MALT1: variants seen among roughly 807,000 people sequenced by gnomAD.
The protein encoded by MALT1 is MALT1 paracaspase.
Under a neutral mutation model 85.5 loss-of-function variants are expected in MALT1, and 36 were observed. The ratio of observed to expected loss-of-function variants is 0.42; its 90% CI spans 0.32 to 0.56. MALT1 has a LOEUF of 0.56. Ranked by LOEUF, MALT1 falls within the 20% of genes least tolerant of loss-of-function variation. The pLI, the probability that MALT1 is intolerant of heterozygous loss-of-function variation, is 0.10. For missense variants in MALT1, 716 were observed against 981.6 expected (o/e 0.73, Z 3.62); for synonymous variants, 359 against 361.3 (o/e 0.99, Z 0.07).
intron 10 of MALT1, among the ~76,000 whole-genome samples, chr18:58,726,967 A>G (rs1377644032): frequency 6.6e-6 from 1 of 152,234 alleles, no homozygotes; most frequent in Non-Finnish European, 1.5e-5. Context: ...CTTTCTGCTG[A>G]CTTAGCTGTG....
chr18:58,727,011 G>C (rs1438632876), intron 10 of MALT1, among the ~76,000 whole-genome samples: 1 of 152,182 alleles, frequency 6.6e-6, no homozygotes, highest in East Asian at 1.9e-4. Context: ...TAAGCCAAAA[G>C]GAATCTACAA....
At chr18:58,711,783 A>G (rs564149176) in intron 7 of MALT1, among the ~76,000 whole-genome samples, 89 of 152,288 alleles carry the variant, frequency 5.8e-4, no homozygotes, top group African/African-American at 2.1e-3. Flanking sequence ...CCTGTCCTTC[A>G]TGTCTCTATA....
chr18:58,741,187 A>G (rs1245708355), intron 13 of MALT1, among the ~76,000 whole-genome samples: 1 of 152,172 alleles, frequency 6.6e-6, no homozygotes, highest in African/African-American at 2.4e-5. Context: ...AGATTGTTTA[A>G]AATCCAATCT....
intron 15 of MALT1, among the ~76,000 whole-genome samples, chr18:58,744,930 C>T (rs1488562478): frequency 1.3e-5 from 2 of 151,700 alleles, no homozygotes; most frequent in Non-Finnish European, 1.5e-5. Flanking sequence ...TTACGTTGGT[C>T]TAAAGAAGCC....
At chr18:58,735,433 G>T in intron 13 of MALT1, 104 bp downstream of exon 13, 5 of 1,259,142 alleles carry the variant, frequency 4.0e-6, no homozygotes, top group South Asian at 3.3e-5. Context: ...TTATTATGTG[G>T]GTTTGGAATT....
rs540560747 is a variant in MALT1, at chr18:58,747,848, T to C, written c.*6T>C. ...TCAGAATTTCTGAAAAATGACCTCC[T>C]TGTTTTTGAAAGTTAGCATAATTTT... On this transcript the variant is annotated 3_prime_UTR_variant, in exon 17 of 17. Coordinates refer to ENST00000649217, the MANE Select transcript of MALT1 (RefSeq NM_006785.4). 1 of 1,607,542 alleles carries C rather than the reference T, an allele frequency of 6.2e-7. No individual in the cohort carries two copies. Among genetic ancestry groups the C allele is most frequent in the African/African-American group, 1.3e-5 (1 of 74,814 alleles).
In MALT1 at chr18:58,749,098, G is replaced by A. The variant is rs1460410441; in HGVS notation, c.*1256G>A. The A allele has an allele frequency of 4.6e-6, 1 of 217,658 alleles. No homozygotes were observed. Among genetic ancestry groups the A allele is most frequent in the Non-Finnish European group, 9.2e-6 (1 of 108,404 alleles). 13.5% of individuals were successfully genotyped at this position (217,658 alleles called of 1,614,324 possible). ...GAATTTATCCCAGGAATTCAAGGTT[G>A]GTTCAACATCTAAAAATCAAATAAG... On this transcript the variant is annotated 3_prime_UTR_variant, in exon 17 of 17. Transcript: ENST00000649217.
intron 2 of MALT1, among the ~76,000 whole-genome samples, chr18:58,692,985 CAG>C (rs1365776815): frequency 2.0e-5 from 3 of 152,142 alleles, no homozygotes; most frequent in Non-Finnish European, 4.4e-5. Context: ...TCTGTGAAGA[CAG>C]AGAGGTGAGG....
chr18:58,737,415 G>A (rs1196434607), intron 13 of MALT1, among the ~76,000 whole-genome samples: 1 of 150,922 alleles, frequency 6.6e-6, no homozygotes, highest in Non-Finnish European at 1.5e-5. Flanking sequence ...CTGGCAGTTT[G>A]AGACTGTAGT....
intron 2 of MALT1, among the ~76,000 whole-genome samples, chr18:58,692,523 G>A (rs1341623385): frequency 1.4e-5 from 2 of 137,938 alleles, no homozygotes; most frequent in African/African-American, 2.7e-5. Context: ...TATTCCCTGA[G>A]ACACAACAAT....
chr18:58,703,088 A>G (rs941310977), intron 4 of MALT1, among the ~76,000 whole-genome samples: 4 of 152,146 alleles, frequency 2.6e-5, no homozygotes, highest in Admixed American at 6.6e-5. Context: ...GTCAGGCGCA[A>G]TGGCTCACAC....
intron 4 of MALT1, among the ~76,000 whole-genome samples, chr18:58,701,088 C>T (rs549420897): frequency 2.0e-5 from 3 of 152,180 alleles, no homozygotes; most frequent in East Asian, 1.9e-4. Context: ...CCAGCATGCC[C>T]GGCCTGCTTT....
intron 9 of MALT1, among the ~76,000 whole-genome samples, chr18:58,716,720 AAG>A (rs2054905486): frequency 6.6e-6 from 1 of 152,348 alleles, no homozygotes; most frequent in South Asian, 2.1e-4. Context: ...GTTGGAAAGA[AAG>A]AGTGGTTTGA....
intron 11 of MALT1, chr18:58,733,990 C>A: frequency 8.5e-7 from 1 of 1,171,010 alleles, no homozygotes; most frequent in African/African-American, 1.6e-5. Context: ...GGTTTGGATC[C>A]CATTTGTCTG....
chr18:58,738,641 G>A (rs1028995961), intron 13 of MALT1, among the ~76,000 whole-genome samples: 15 of 152,146 alleles, frequency 9.9e-5, no homozygotes, highest in African/African-American at 3.6e-4. Context: ...ATGTGAATCT[G>A]TACTCTCTCC....
chr18:58,698,322 CCCAAAGT>C (rs1406900844), intron 3 of MALT1, among the ~76,000 whole-genome samples: 2 of 152,054 alleles, frequency 1.3e-5, no homozygotes, highest in East Asian at 3.9e-4. Context: ...GCCTCAGCCT[CCCAAAGT>C]GCTGGGATTA....
chr18:58,715,843 T>C (rs1568142104), intron 8 of MALT1, 92 bp from the exon 9 acceptor site: 7 of 826,396 alleles, frequency 8.5e-6, no homozygotes, highest in Non-Finnish European at 1.4e-5. Context: ...ATTCTGTAAG[T>C]GATGCTGCTG....
In MALT1 at chr18:58,710,904, G is replaced by T; in HGVS notation, c.926-17G>T. ...CATGAATTACAATATATTCAAATTT[G>T]TTTTTTCTGAAACAAGGAAGAACAG... On this transcript the variant is annotated splice_polypyrimidine_tract_variant and intron_variant, in intron 6 of 16. Transcript: ENST00000649217. 6.3e-7 allele frequency: 1 copy of T among 1,576,550 alleles called. No individual in the cohort carries two copies. The highest frequency in any genetic ancestry group is 1.2e-5 in the South Asian group (1 of 86,426).
At chr18:58,725,414 A>C (rs539223672) in intron 10 of MALT1, among the ~76,000 whole-genome samples, 6 of 152,280 alleles carry the variant, frequency 3.9e-5, no homozygotes, top group African/African-American at 1.4e-4. Flanking sequence ...ATACGTAAAT[A>C]TTCCAAAATC....
Sources: gnomAD v4.1 joint callset for allele counts (sites outside exome capture counted in the v4.1 genomes callset) on GRCh38, gnomAD v4.1.1 for gene constraint, MANE v1.5 for transcripts, NCBI Gene and HGNC (gene_info 2026-07-23, HGNC 2026-07-21) for gene names.